Variants in ZDHHC20 observed in about 807,000 individuals in gnomAD.
The protein encoded by ZDHHC20 is palmitoyltransferase ZDHHC20.
A neutral mutation model predicts 57.8 loss-of-function variants in ZDHHC20; 43 were observed. The ratio of observed to expected loss-of-function variants is 0.74; its 90% CI spans 0.58 to 0.96. ZDHHC20 has a LOEUF of 0.96. ZDHHC20 is among the 40% of genes least tolerant of loss of function. The pLI is 0.00. For synonymous variants in ZDHHC20, 157 were observed against 153.0 expected (o/e 1.03, Z -0.19); for missense variants, 391 against 441.1 (o/e 0.89, Z 1.02).
chr13:21,373,579 A>G lies in ZDHHC20; in HGVS notation c.*3117T>C, dbSNP rs1421609267. ...TGGTTTGGCATAGTTTCAGGTACTG[A>G]ATATTCAAGTAAATTTGTTCCCAGG... On this transcript the variant is annotated 3_prime_UTR_variant, in exon 13 of 13. Transcript: ENST00000400590. The G allele has an allele frequency of 1.3e-5, 2 of 152,348 alleles. No homozygotes were observed. The highest frequency in any genetic ancestry group is 3.9e-4 in the East Asian group (2 of 5,190). The allele number at this position is 152,348 out of a possible 1,614,324, so 9.4% of individuals were successfully genotyped here.
intron 1 of ZDHHC20, among the ~76,000 whole-genome samples, chr13:21,455,832 TATATAA>T (rs1369502701): frequency 6.6e-6 from 1 of 152,176 alleles, no homozygotes; most frequent in East Asian, 1.9e-4. Flanking sequence ...AAAAGTACTT[TATATAA>T]ATATATCATA....
intron 3 of ZDHHC20, among the ~76,000 whole-genome samples, chr13:21,416,622 G>A (rs1880010580): frequency 6.6e-6 from 1 of 152,096 alleles, no homozygotes; most frequent in Admixed American, 6.5e-5. Flanking sequence ...TATATTACAA[G>A]GTATGATAAA....
intron 3 of ZDHHC20, 68 bp downstream of exon 3, chr13:21,420,993 G>A: frequency 1.6e-6 from 2 of 1,273,262 alleles, no homozygotes; most frequent in Non-Finnish European, 2.3e-6. Context: ...TTTAACAAAG[G>A]TAACACAAGG....
intron 5 of ZDHHC20, among the ~76,000 whole-genome samples, chr13:21,402,238 AT>A (rs1877747097): frequency 6.6e-6 from 1 of 152,130 alleles, no homozygotes; most frequent in Non-Finnish European, 1.5e-5. Flanking sequence ...ATTAACACTG[AT>A]GGGCTTGGAG....
chr13:21,448,333 C>G, intron 1 of ZDHHC20, among the ~76,000 whole-genome samples: 2 of 108,082 alleles, frequency 1.9e-5, no homozygotes, highest in Non-Finnish European at 2.2e-5. Flanking sequence ...GGGTCAGCCC[C>G]CCGCCCGGCC....
rs1873396463 is a variant in ZDHHC20 at position 21,381,453 on chromosome 13, T to A, written c.1041A>T (p.Glu347Asp). The A allele has an allele frequency of 6.2e-7, 1 of 1,613,852 alleles. No individual in the cohort carries two copies. Residue 347 changes from glutamate (E) to aspartate (D), a missense_variant, in exon 11 of 13, where the codon GAA (glutamate) becomes GAT (aspartate). Glu to Asp is a conservative substitution (Grantham distance 45). Around this residue, in one of 3 missense-constraint regions of ZDHHC20, gnomAD observed 197 missense variants for 220.8 expected, o/e 0.89. Coordinates refer to ENST00000400590, the MANE Select transcript of ZDHHC20 (RefSeq NM_001330059.2). ...TATTACCTGATTTGACGATGCCTTCTTCAGCTCCATTCTCCAGCCACTGAG... is the reference window on the plus strand; with the variant it reads ...TATTACCTGATTTGACGATGCCTTCATCAGCTCCATTCTCCAGCCACTGAG... ...SESQWLENGA[E>D]EGIVKSGTNN...
chr13:21,448,282 C>A (rs1319041303), intron 1 of ZDHHC20, among the ~76,000 whole-genome samples: 7 of 84,528 alleles, frequency 8.3e-5, no homozygotes, highest in South Asian at 3.6e-4. Context: ...GTGAGGAGCC[C>A]CTCTGCCCGG....
intron 1 of ZDHHC20, among the ~76,000 whole-genome samples, chr13:21,451,683 C>T (rs1412241128): frequency 6.6e-6 from 1 of 151,996 alleles, no homozygotes; most frequent in Non-Finnish European, 1.5e-5. Context: ...ATGCAAAATA[C>T]ACCTGACAAA....
intron 1 of ZDHHC20, among the ~76,000 whole-genome samples, chr13:21,447,179 A>G (rs533707914): frequency 1.2e-4 from 18 of 151,568 alleles, no homozygotes; most frequent in African/African-American, 4.1e-4. Flanking sequence ...GTTACTTTAA[A>G]CAACCAGAGA....
intron 1 of ZDHHC20, among the ~76,000 whole-genome samples, chr13:21,441,211 T>C (rs1321645446): frequency 1.3e-5 from 2 of 152,206 alleles, no homozygotes; most frequent in African/African-American, 4.8e-5. Context: ...GTTGAATTAT[T>C]CTGTCTATGA....
chr13:21,417,040 G>A (rs900133571), intron 3 of ZDHHC20, among the ~76,000 whole-genome samples: 6 of 151,982 alleles, frequency 3.9e-5, no homozygotes, highest in South Asian at 2.1e-4. Context: ...TTTATCAATC[G>A]GCCTGTTATA....
chr13:21,438,507 T>C (rs1202809977), intron 1 of ZDHHC20, among the ~76,000 whole-genome samples: 1 of 152,234 alleles, frequency 6.6e-6, no homozygotes, highest in Non-Finnish European at 1.5e-5. Context: ...TGTGATGGAA[T>C]TGCTGCAACC....
Position 21,374,792 on chromosome 13 carries a change from G to A in ZDHHC20, c.*1904C>T, listed in dbSNP as rs1300604602. The A allele has an allele frequency of 7.4e-6, 2 of 269,270 alleles. No homozygotes were observed. The highest frequency in any genetic ancestry group is 4.5e-5 in the African/African-American group (2 of 44,348). 16.7% of individuals were successfully genotyped at this position (269,270 alleles called of 1,614,324 possible). On this transcript the variant is annotated 3_prime_UTR_variant, in exon 13 of 13. Transcript: ENST00000400590. The stretch of plus-strand genomic sequence containing the variant: ...TAAAATTTATGCTGTACTAGGAAAT[G>A]ACAGAGCTATTCCTAGTTTATTATT...
At chr13:21,391,187 G>A (rs1875642614) in intron 8 of ZDHHC20, among the ~76,000 whole-genome samples, 2 of 151,956 alleles carry the variant, frequency 1.3e-5, no homozygotes, top group South Asian at 2.1e-4. Context: ...GGCTGGTCTC[G>A]AACTCCTGCA....
In ZDHHC20 at chr13:21,381,491, A is replaced by G; in HGVS notation, c.1003T>C (p.Leu335=). The G allele has an allele frequency of 6.2e-7, 1 of 1,613,916 alleles. No individual in the cohort carries two copies. Among genetic ancestry groups the G allele is most frequent in the Non-Finnish European group, 8.5e-7 (1 of 1,179,860 alleles). ...KPLSESKNRL[L]DSESQWLENG... Reference sequence around the variant, plus strand: ...TCCAGCCACTGAGATTCACTGTCCAACAAGCGGTTTTTTGATTCACTAAGT... The same window carrying G: ...TCCAGCCACTGAGATTCACTGTCCAGCAAGCGGTTTTTTGATTCACTAAGT... The change falls in exon 11 of 13, where the codon TTG becomes CTG. Residue 335 remains leucine (L), a synonymous_variant. Coordinates refer to ENST00000400590, the MANE Select transcript of ZDHHC20 (RefSeq NM_001330059.2).
chr13:21,456,309 C>T (rs1411042318), intron 1 of ZDHHC20, among the ~76,000 whole-genome samples: 5 of 152,122 alleles, frequency 3.3e-5, no homozygotes, highest in Non-Finnish European at 5.9e-5. Flanking sequence ...ACTTGGGAGG[C>T]TGAGGCAGGA....
Position 21,435,139 on chromosome 13 carries a change from G to A in ZDHHC20, c.119-9461C>T, listed in dbSNP as rs79157787. Among the ~76,000 whole-genome samples the A allele has an allele frequency of 2.4e-4, 37 of 151,968 alleles. No homozygotes were observed. The Middle Eastern group carries it at 0.01, about 42-fold the overall frequency. ...TGGTATGGCAGGATAATTTTACCTC[G>A]TATTTATCTTATAAGTGAGGGTCAG... On this transcript the variant is annotated intron_variant, in intron 1 of 12. Coordinates refer to ENST00000400590, the MANE Select transcript of ZDHHC20 (RefSeq NM_001330059.2).
At chr13:21,392,821 G>C (rs1875988197) in intron 7 of ZDHHC20, among the ~76,000 whole-genome samples, 1 of 152,124 alleles carries the variant, frequency 6.6e-6, no homozygotes, top group Non-Finnish European at 1.5e-5. Flanking sequence ...TTTTCTTCCA[G>C]AGTAACCAAC....
intron 4 of ZDHHC20, among the ~76,000 whole-genome samples, 178 bp from the exon 5 acceptor site, chr13:21,403,044 G>C (rs1394758469): frequency 2.0e-5 from 3 of 152,090 alleles, no homozygotes; most frequent in African/African-American, 7.2e-5. Flanking sequence ...AAAATGTCAA[G>C]AGATAAAAGA....
Sources: allele counts gnomAD v4.1 joint callset (sites outside exome capture counted in the v4.1 genomes callset), GRCh38; gene constraint gnomAD v4.1.1; regional missense constraint gnomAD v4.1.1; transcripts MANE v1.5; gene names NCBI Gene and HGNC (gene_info 2026-07-23, HGNC 2026-07-21).